Variants in TMEM132C observed in about 807,000 individuals in gnomAD.
The protein encoded by TMEM132C is transmembrane protein 132C, also known as protein phosphatase 1, regulatory subunit 152.
In TMEM132C, 29 loss-of-function variants were observed where a neutral mutation model predicts 61.4. The ratio of observed to expected loss-of-function variants is 0.47; its 90% confidence interval spans 0.35 to 0.64. TMEM132C has a LOEUF of 0.64. TMEM132C is among the 30% of genes least tolerant of loss of function. The probability of loss-of-function intolerance (pLI) is 0.00; values close to 1 mark genes in which losing one functional copy is unlikely to be tolerated. For missense variants in TMEM132C, 1,408 were observed against 1,476.9 expected (o/e 0.95, Z 0.76); for synonymous variants, 656 against 633.1 (o/e 1.04, Z -0.54).
intron 5 of TMEM132C, among the ~76,000 whole-genome samples, chr12:128,684,748 C>T (rs76919517): frequency 0.035 from 5,363 of 152,314 alleles, 289 homozygotes; most frequent in African/African-American, 0.12. Context: ...GACATTGTCT[C>T]AGAAATATTG....
intron 4 of TMEM132C, among the ~76,000 whole-genome samples, chr12:128,656,273 A>G (rs544859275): frequency 6.6e-6 from 1 of 152,068 alleles, no homozygotes; most frequent in Admixed American, 6.5e-5. Flanking sequence ...CTGGTCTCGA[A>G]CTCCTGACCT....
intron 2 of TMEM132C, among the ~76,000 whole-genome samples, chr12:128,446,810 T>TA (rs1424276540): frequency 6.6e-6 from 1 of 152,220 alleles, no homozygotes; most frequent in Non-Finnish European, 1.5e-5. Flanking sequence ...AATGCCATCA[T>TA]ACTTTGCCTC....
intron 4 of TMEM132C, among the ~76,000 whole-genome samples, chr12:128,658,530 A>G (rs1593137905): frequency 6.6e-6 from 1 of 151,406 alleles, no homozygotes; most frequent in African/African-American, 2.4e-5. Flanking sequence ...TTTCCTGTTC[A>G]TATACTTTTC....
intron 1 of TMEM132C, among the ~76,000 whole-genome samples, chr12:128,323,342 T>C (rs1288644910): frequency 6.6e-6 from 1 of 152,176 alleles, no homozygotes; most frequent in African/African-American, 2.4e-5. Context: ...CTTGAGCCAC[T>C]GTACACAGAA....
intron 2 of TMEM132C, among the ~76,000 whole-genome samples, chr12:128,437,258 C>T (rs953361214): frequency 6.6e-6 from 1 of 152,200 alleles, no homozygotes; most frequent in Non-Finnish European, 1.5e-5. Flanking sequence ...AACAAACCTG[C>T]ACGTTGTGCA....
chr12:128,381,780 G>T (rs778356411), intron 1 of TMEM132C, among the ~76,000 whole-genome samples: 2 of 152,182 alleles, frequency 1.3e-5, no homozygotes, highest in African/African-American at 4.8e-5. Context: ...GAGTGCCAGT[G>T]GCAAGACACA....
intron 3 of TMEM132C, among the ~76,000 whole-genome samples, chr12:128,595,859 A>G (rs1486968511): frequency 6.6e-6 from 1 of 152,194 alleles, no homozygotes; most frequent in Non-Finnish European, 1.5e-5. Flanking sequence ...AAAACAGAGG[A>G]GCATCCCCCA....
intron 2 of TMEM132C, among the ~76,000 whole-genome samples, chr12:128,528,148 C>G (rs1028661915): frequency 6.6e-6 from 1 of 152,192 alleles, no homozygotes; most frequent in South Asian, 2.1e-4. Flanking sequence ...CCCACTTCCA[C>G]AAGAACCTGG....
chr12:128,675,386 A>G (rs1263312316), intron 5 of TMEM132C, among the ~76,000 whole-genome samples: 1 of 152,246 alleles, frequency 6.6e-6, no homozygotes, highest in Non-Finnish European at 1.5e-5. Flanking sequence ...GCCTGAGGTC[A>G]CGCAACTTGT....
At chr12:128,669,247 A>G (rs2135630362) in intron 4 of TMEM132C, among the ~76,000 whole-genome samples, 170 bp from the exon 5 acceptor site, 1 of 152,366 alleles carries the variant, frequency 6.6e-6, no homozygotes, top group Admixed American at 6.5e-5. Flanking sequence ...AATTGTTCCA[A>G]AGAATAGCCC....
intron 3 of TMEM132C, among the ~76,000 whole-genome samples, chr12:128,545,784 A>G (rs917493232): frequency 6.6e-6 from 1 of 152,340 alleles, no homozygotes; most frequent in African/African-American, 2.4e-5. Flanking sequence ...TAATGCAGCA[A>G]TAAACCACCT....
chr12:128,677,316 G>T (rs565302943), intron 5 of TMEM132C, among the ~76,000 whole-genome samples: 10 of 152,268 alleles, frequency 6.6e-5, no homozygotes, highest in Admixed American at 6.5e-4. Context: ...TACCATTCTG[G>T]TATGGGGGAC....
intron 4 of TMEM132C, among the ~76,000 whole-genome samples, chr12:128,657,316 C>T (rs1307479985): frequency 2.0e-5 from 3 of 152,146 alleles, no homozygotes; most frequent in Non-Finnish European, 4.4e-5. Flanking sequence ...AGAGGGAAAA[C>T]GTAAGTTAAT....
intron 2 of TMEM132C, among the ~76,000 whole-genome samples, chr12:128,490,802 AT>A (rs1041145518): frequency 6.6e-5 from 10 of 152,172 alleles, no homozygotes; most frequent in Admixed American, 2.6e-4. Flanking sequence ...CCAAATCTGC[AT>A]TGGTTTCGTA....
At chr12:128,363,907 G>C (rs547225022) in intron 1 of TMEM132C, among the ~76,000 whole-genome samples, 33 of 151,870 alleles carry the variant, frequency 2.2e-4, no homozygotes, top group Admixed American at 4.6e-4. Flanking sequence ...CAGCGTGGTG[G>C]GGCAGCTGGA....
rs368260914 is a variant in TMEM132C at position 128,374,147 on chromosome 12, A to G, written c.86-40585A>G. On this transcript the variant is annotated intron_variant, in intron 1 of 8. Transcript: ENST00000435159. ...GACTGGCCCGGGTGGGGAGGGGCTCAGCATGTGGGAATGATAACGGTGACA... is the reference window on the plus strand; with the variant it reads ...GACTGGCCCGGGTGGGGAGGGGCTCGGCATGTGGGAATGATAACGGTGACA... Among the ~76,000 whole-genome samples, 5 of 152,190 alleles carry G rather than the reference A, an allele frequency of 3.3e-5. No homozygotes were observed. In the South Asian group the frequency reaches 6.2e-4, roughly 19 times the overall value.
chr12:128,514,253 T>C (rs1286239854), intron 2 of TMEM132C, among the ~76,000 whole-genome samples: 5 of 152,208 alleles, frequency 3.3e-5, no homozygotes, highest in Non-Finnish European at 7.3e-5. Flanking sequence ...GCAGTAAGCT[T>C]GGAGGGAAAC....
intron 1 of TMEM132C, among the ~76,000 whole-genome samples, chr12:128,408,039 C>A (rs1194315959): frequency 8.8e-6 from 1 of 113,978 alleles, no homozygotes; most frequent in Non-Finnish European, 1.9e-5. Context: ...TGGTCTGTCT[C>A]TTCTTAACTC....
At chr12:128,602,627 G>A (rs941350320) in intron 3 of TMEM132C, among the ~76,000 whole-genome samples, 5 of 152,216 alleles carry the variant, frequency 3.3e-5, no homozygotes, top group African/African-American at 1.2e-4. Flanking sequence ...TACATGGTCT[G>A]TGCCATCCTC....
Sources: allele counts gnomAD v4.1 joint callset (sites outside exome capture counted in the v4.1 genomes callset), GRCh38; gene constraint gnomAD v4.1.1; transcripts MANE v1.5; gene names NCBI Gene and HGNC (gene_info 2026-07-23, HGNC 2026-07-21).